GALNT7: variants seen among roughly 807,000 people sequenced by gnomAD.
The protein encoded by GALNT7 is N-acetylgalactosaminyltransferase 7.
GALNT7 carries 60 observed loss-of-function variants against 82.1 expected under a neutral mutation model. The observed-to-expected ratio is 0.73, with a 90% confidence interval of 0.59 to 0.91. The LOEUF (loss-of-function observed/expected upper bound fraction) is 0.91. GALNT7 is among the 40% of genes least tolerant of loss of function. GALNT7 has a pLI of 0.00. For missense variants in GALNT7, 660 were observed against 804.2 expected (o/e 0.82, Z 2.17); for synonymous variants, 243 against 275.1 (o/e 0.88, Z 1.15).
At chr4:173,248,741 T>G (rs1734749549) in intron 2 of GALNT7, among the ~76,000 whole-genome samples, 1 of 152,142 alleles carries the variant, frequency 6.6e-6, no homozygotes, top group Admixed American at 6.6e-5. Context: ...AAAATGAGCT[T>G]GCACCAGGAT....
intron 1 of GALNT7, among the ~76,000 whole-genome samples, chr4:173,242,499 T>C (rs1029203150): frequency 1.3e-5 from 2 of 152,236 alleles, no homozygotes; most frequent in African/African-American, 4.8e-5. Flanking sequence ...ATTTAAGGAC[T>C]GGTAAGGTCT....
At chr4:173,296,420 AT>A (rs1736718740) in intron 5 of GALNT7, among the ~76,000 whole-genome samples, 1 of 152,182 alleles carries the variant, frequency 6.6e-6, no homozygotes, top group Admixed American at 6.5e-5. Flanking sequence ...CTAGTCCATA[AT>A]TAGGAAAATA....
chr4:173,175,918 CA>C (rs1353904737), intron 1 of GALNT7, among the ~76,000 whole-genome samples: 3 of 151,960 alleles, frequency 2.0e-5, no homozygotes, highest in Non-Finnish European at 4.4e-5. Context: ...ACTAAAAATA[CA>C]AAAATTAGCC....
At chr4:173,297,154 G>T (rs962642800) in intron 5 of GALNT7, among the ~76,000 whole-genome samples, 4 of 151,348 alleles carry the variant, frequency 2.6e-5, no homozygotes, top group East Asian at 3.9e-4. Context: ...GAGATTTTTT[G>T]ATCCAAATTC....
chr4:173,272,727 T>C (rs1735774625), intron 2 of GALNT7, among the ~76,000 whole-genome samples: 1 of 152,250 alleles, frequency 6.6e-6, no homozygotes, highest in South Asian at 2.1e-4. Context: ...ATCTCATATG[T>C]ATCAATTATA....
intron 1 of GALNT7, among the ~76,000 whole-genome samples, chr4:173,205,831 C>T (rs1288055122): frequency 6.6e-6 from 1 of 151,792 alleles, no homozygotes; most frequent in Non-Finnish European, 1.5e-5. Context: ...GGCCTCATGA[C>T]TAGGGCTGCA....
chr4:173,253,999 A>G (rs1734938280), intron 2 of GALNT7, among the ~76,000 whole-genome samples: 1 of 152,234 alleles, frequency 6.6e-6, no homozygotes, highest in Admixed American at 6.5e-5. Flanking sequence ...CAAACAAATG[A>G]ATTAAATATT....
chr4:173,198,311 G>T (rs572040117), intron 1 of GALNT7, among the ~76,000 whole-genome samples: 2 of 149,704 alleles, frequency 1.3e-5, no homozygotes, highest in Admixed American at 6.8e-5. Flanking sequence ...CTCATGATCC[G>T]CCTGCCTCGG....
chr4:173,240,727 G>A (rs1259358304), intron 1 of GALNT7, among the ~76,000 whole-genome samples: 2 of 152,066 alleles, frequency 1.3e-5, no homozygotes, highest in African/African-American at 4.8e-5. Context: ...AGAACATATG[G>A]GACTAATATG....
At chr4:173,309,893 G>A (rs1476744268) in intron 8 of GALNT7, among the ~76,000 whole-genome samples, 5 of 152,220 alleles carry the variant, frequency 3.3e-5, no homozygotes, top group South Asian at 4.1e-4. Flanking sequence ...CAACAATCAC[G>A]AAGAATTGAT....
At chr4:173,213,228 T>TG (rs35863662) in intron 1 of GALNT7, among the ~76,000 whole-genome samples, 107,611 of 151,762 alleles carry the variant, frequency 0.71, 39,757 homozygotes, top group East Asian at 0.88. Context: ...TCCTTTCTAG[T>TG]TTTTTTTTCC....
chr4:173,266,789 G>T (rs1028615377), intron 2 of GALNT7, among the ~76,000 whole-genome samples: 2 of 151,598 alleles, frequency 1.3e-5, no homozygotes, highest in African/African-American at 4.9e-5. Context: ...AGTATTGCAT[G>T]TTCTCACTCA....
At chr4:173,237,278 A>G (rs1734265877) in intron 1 of GALNT7, among the ~76,000 whole-genome samples, 2 of 152,218 alleles carry the variant, frequency 1.3e-5, no homozygotes, top group African/African-American at 4.8e-5. Context: ...ACACATTGCA[A>G]TACTTTTTTT....
chr4:173,189,892 G>A (rs1398349383), intron 1 of GALNT7, among the ~76,000 whole-genome samples: 2 of 152,110 alleles, frequency 1.3e-5, no homozygotes, highest in African/African-American at 4.8e-5. Flanking sequence ...ACTCTCAGTT[G>A]ATTCTGTTGA....
At chr4:173,215,521 T>C (rs1031868617) in intron 1 of GALNT7, among the ~76,000 whole-genome samples, 1 of 152,044 alleles carries the variant, frequency 6.6e-6, no homozygotes, top group Non-Finnish European at 1.5e-5. Flanking sequence ...TCAGCCACCA[T>C]ACCCGGCCTG....
intron 1 of GALNT7, among the ~76,000 whole-genome samples, chr4:173,175,687 T>A (rs1184044569): frequency 2.0e-5 from 3 of 152,238 alleles, no homozygotes; most frequent in Non-Finnish European, 4.4e-5. Context: ...ACATCTGGAC[T>A]TAAGATGTCT....
At chr4:173,283,361 G>A (rs559987822) in intron 2 of GALNT7, among the ~76,000 whole-genome samples, 16 of 152,168 alleles carry the variant, frequency 1.1e-4, no homozygotes, top group African/African-American at 3.4e-4. Flanking sequence ...TTCTAAAGCC[G>A]ATCTAGACGT....
chr4:173,203,324 T>C (rs2332657), intron 1 of GALNT7, among the ~76,000 whole-genome samples: 108,779 of 152,152 alleles, frequency 0.71, 40,339 homozygotes, highest in East Asian at 0.88. Context: ...ATCTCCTGAC[T>C]TTGTGATCCT....
At position 173,295,475 on chromosome 4, in the gene GALNT7, A is replaced by G. The variant is rs368223146; in HGVS notation, c.834A>G (p.Glu278=). The part of the protein sequence containing the change: ...LVKVFRNERR[E]GLIQARSIGA... The stretch of plus-strand genomic sequence containing the variant: ...AGGTATTTCGAAATGAAAGAAGGGA[A>G]GGTTTAATTCAAGCACGAAGTATTG... The change falls in exon 4 of 12, where the codon GAA becomes GAG. Residue 278 remains glutamate (E), a synonymous_variant. Transcript: ENST00000265000. The G allele has an allele frequency of 2.5e-6, 4 of 1,612,710 alleles. No individual in the cohort carries two copies. The African/African-American group carries it at 5.3e-5, about 22-fold the overall frequency.
Sources: allele counts gnomAD v4.1 joint callset (sites outside exome capture counted in the v4.1 genomes callset), GRCh38; gene constraint gnomAD v4.1.1; transcripts MANE v1.5; gene names NCBI Gene and HGNC (gene_info 2026-07-23, HGNC 2026-07-21).